Variants in NBAS observed in about 807,000 individuals in gnomAD.
The protein encoded by NBAS is NAG/BC035112 fusion.
A neutral mutation model predicts 302.5 loss-of-function variants in NBAS; 219 were observed. The ratio of observed to expected loss-of-function variants is 0.72; its 90% CI spans 0.65 to 0.81. The LOEUF is 0.81. Among genes scored for constraint, NBAS ranks in the 30% least tolerant of loss-of-function variants. The probability of loss-of-function intolerance (pLI) is 0.00; values close to 1 mark genes in which losing one functional copy is unlikely to be tolerated. For missense variants in NBAS, 2,932 were observed against 2,841.6 expected, an observed-to-expected ratio of 1.03 and a Z score of -0.72; for synonymous variants, 1,118 against 1,021.6, an observed-to-expected ratio of 1.09 and a Z score of -1.80.
At chr2:15,250,864 G>A (rs1668332674) in intron 44 of NBAS, among the ~76,000 whole-genome samples, 1 of 152,188 alleles carries the variant, frequency 6.6e-6, no homozygotes, top group Admixed American at 6.5e-5. Flanking sequence ...GTTGGTGGGA[G>A]TGTAAATTAG....
the NBAS span, among the ~76,000 whole-genome samples, chr2:14,818,706 A>C: frequency 6.6e-6 from 1 of 152,180 alleles, no homozygotes; most frequent in South Asian, 2.1e-4. Flanking sequence ...TGAAGGTCTG[A>C]CTGCTAAACC....
At chr2:15,519,083 T>C (rs112697165) in intron 9 of NBAS, among the ~76,000 whole-genome samples, 6 of 152,322 alleles carry the variant, frequency 3.9e-5, no homozygotes, top group African/African-American at 1.4e-4. Context: ...ATGATGGGTC[T>C]AGAATCAGAA....
chr2:14,942,011 C>T, the NBAS span, among the ~76,000 whole-genome samples: 4 of 152,196 alleles, frequency 2.6e-5, no homozygotes, highest in Non-Finnish European at 5.9e-5. Context: ...GTATTCCCAA[C>T]TGCAAACCGT....
At chr2:15,135,552 G>A in the NBAS span, among the ~76,000 whole-genome samples, 2 of 152,164 alleles carry the variant, frequency 1.3e-5, no homozygotes, top group East Asian at 3.9e-4. Flanking sequence ...CAGTGGGGTT[G>A]GTTGGGGTGA....
chr2:15,303,373 G>A (rs1273579364), intron 40 of NBAS, among the ~76,000 whole-genome samples: 1 of 152,142 alleles, frequency 6.6e-6, no homozygotes, highest in Non-Finnish European at 1.5e-5. Context: ...TTTAGAGTAG[G>A]TACTCTAACG....
At chr2:15,402,055 G>T (rs1327393445) in intron 26 of NBAS, 113 bp downstream of exon 26, 5 of 1,161,474 alleles carry the variant, frequency 4.3e-6, no homozygotes, top group Non-Finnish European at 3.9e-6. Flanking sequence ...TCTTCCTTAT[G>T]TTTTTTTCAC....
intron 50 of NBAS, chr2:15,180,286 G>A (rs1414670361): frequency 1.3e-5 from 2 of 152,188 alleles, no homozygotes; most frequent in African/African-American, 4.8e-5. Flanking sequence ...AGGCCCTCAC[G>A]TTTCAGAGTA....
At chr2:15,357,794 T>C (rs184451914) in intron 32 of NBAS, among the ~76,000 whole-genome samples, 149 of 152,306 alleles carry the variant, frequency 9.8e-4, no homozygotes, top group Admixed American at 1.8e-3. Context: ...ATGAGATACA[T>C]AGGAATGGGA....
intron 9 of NBAS, among the ~76,000 whole-genome samples, chr2:15,512,385 T>C (rs1483633076): frequency 6.6e-6 from 1 of 152,168 alleles, no homozygotes; most frequent in East Asian, 1.9e-4. Flanking sequence ...AAGCAACACC[T>C]GCCTTCTGTT....
At chr2:15,303,030 T>C (rs1670877122) in intron 40 of NBAS, among the ~76,000 whole-genome samples, 1 of 152,228 alleles carries the variant, frequency 6.6e-6, no homozygotes, top group Non-Finnish European at 1.5e-5. Context: ...CACTGTCGGC[T>C]TCCCTTCTTT....
the NBAS span, among the ~76,000 whole-genome samples, chr2:14,894,922 G>A: frequency 1.3e-5 from 2 of 152,148 alleles, no homozygotes; most frequent in African/African-American, 2.4e-5. Context: ...GTTGGGCGTG[G>A]TGAAGCGCCT....
chr2:15,054,170 C>A, the NBAS span, among the ~76,000 whole-genome samples: 1 of 152,190 alleles, frequency 6.6e-6, no homozygotes. Context: ...AAGCTCTTCA[C>A]ACACTCTCTT....
intron 45 of NBAS, 32 bp downstream of exon 45, chr2:15,238,436 G>C: frequency 6.3e-7 from 1 of 1,584,520 alleles, no homozygotes. Context: ...TACTGATACA[G>C]AGTGAGCATA....
At chr2:15,468,886 G>C (rs1679839341) in intron 16 of NBAS, among the ~76,000 whole-genome samples, 1 of 152,158 alleles carries the variant, frequency 6.6e-6, no homozygotes, top group Non-Finnish European at 1.5e-5. Flanking sequence ...AGGCAGAAAG[G>C]CAAGATATAT....
chr2:15,543,000 C>T (rs1489632422), intron 6 of NBAS, among the ~76,000 whole-genome samples: 21 of 152,168 alleles, frequency 1.4e-4, no homozygotes, highest in Admixed American at 1.4e-3. Flanking sequence ...AAAATAAAGA[C>T]TTTATCACTG....
the NBAS span, among the ~76,000 whole-genome samples, chr2:15,125,679 G>A: frequency 3.3e-5 from 5 of 152,204 alleles, no homozygotes; most frequent in African/African-American, 1.2e-4. Context: ...TTACGTTTCA[G>A]ACTTGGGTTG....
chr2:15,228,176 T>C (rs1343396222), intron 47 of NBAS, among the ~76,000 whole-genome samples: 1 of 151,998 alleles, frequency 6.6e-6, no homozygotes, highest in Non-Finnish European at 1.5e-5. Flanking sequence ...AAAGGAGCAA[T>C]AGTGACCTGA....
the NBAS span, among the ~76,000 whole-genome samples, chr2:14,789,538 T>C: frequency 1.3e-5 from 2 of 152,232 alleles, no homozygotes; most frequent in Non-Finnish European, 2.9e-5. Context: ...CATATATTGA[T>C]AGAAATGTTT....
intron 45 of NBAS, 100 bp from the exon 46 acceptor site, chr2:15,234,847 G>A (rs1192227326): frequency 6.6e-6 from 8 of 1,214,016 alleles, no homozygotes; most frequent in Non-Finnish European, 9.6e-6. Flanking sequence ...CCAAATACAT[G>A]AAAAGCAGCA....
Sources: gnomAD v4.1 joint callset for allele counts (sites outside exome capture counted in the v4.1 genomes callset) on GRCh38, gnomAD v4.1.1 for gene constraint, MANE v1.5 for transcripts, NCBI Gene and HGNC (gene_info 2026-07-23, HGNC 2026-07-21) for gene names.